TRRAP: variants seen among roughly 807,000 people sequenced by gnomAD.
The protein encoded by TRRAP is transformation/transcription domain-associated protein.
TRRAP carries 41 observed loss-of-function variants against 438.8 expected under a neutral mutation model. That is an observed-to-expected ratio of 0.09 (90% CI 0.07 to 0.12). The LOEUF (loss-of-function observed/expected upper bound fraction) is 0.12. Among genes scored for constraint, TRRAP ranks in the 10% least tolerant of loss-of-function variants. TRRAP has a pLI of 1.00. For missense variants in TRRAP, 3,122 were observed against 5,055.1 expected, an observed-to-expected ratio of 0.62 and a Z score of 11.60; for synonymous variants, 1,994 against 1,962.9, an observed-to-expected ratio of 1.02 and a Z score of -0.42.
chr7:98,976,892 A>G lies in TRRAP; in HGVS notation c.8248-47A>G. The stretch of plus-strand genomic sequence containing the variant: ...AGTGAAACTATTTTTAGGGGGGAAA[A>G]AAAGTCTCTGTCTCAAGCACTCAGG... On this transcript the variant is annotated intron_variant, in intron 55 of 72. Transcript: ENST00000456197. This position sits in a 1 kb window ranked among gnomAD's most constrained non-coding sequence, Gnocchi z 4.6. The G allele has an allele frequency of 1.2e-6, 2 of 1,607,720 alleles. No individual in the cohort carries two copies. Among genetic ancestry groups the G allele is most frequent in the South Asian group, 1.1e-5 (1 of 90,864 alleles).
intron 3 of TRRAP, among the ~76,000 whole-genome samples, chr7:98,882,455 C>T (rs1461126024): frequency 6.6e-6 from 1 of 151,160 alleles, no homozygotes; most frequent in South Asian, 2.1e-4. Flanking sequence ...CTCTGCCTTC[C>T]GGGTTCAAGC....
intron 11 of TRRAP, among the ~76,000 whole-genome samples, chr7:98,902,572 T>A (rs1471629684): frequency 7.0e-6 from 1 of 142,288 alleles, no homozygotes; most frequent in Non-Finnish European, 1.6e-5. Flanking sequence ...GATTAGATAA[T>A]GATAGCTTAC....
At chr7:98,988,131 A>C (rs1018343240) in intron 62 of TRRAP, among the ~76,000 whole-genome samples, 1 of 152,166 alleles carries the variant, frequency 6.6e-6, no homozygotes, top group Non-Finnish European at 1.5e-5. Flanking sequence ...CTGTATCATA[A>C]AGCACCTGGG....
chr7:98,915,882 C>T lies in TRRAP; in HGVS notation c.2359C>T (p.Leu787=). ...GTTCTTGCCTCTCCTTCCAAACCTC[C>T]TGCAAGGTCAGAGCAGTGACTTTGG... ...QEFLPLLPNL[L]QGLNMLQSGL... Residue 787 remains leucine (L), a synonymous_variant, in exon 19 of 73, where the codon CTG becomes TTG. Coordinates refer to ENST00000456197, the MANE Select transcript of TRRAP (RefSeq NM_001375524.1). 1 of 1,614,148 alleles carries T rather than the reference C, an allele frequency of 6.2e-7. No homozygotes were observed. Among genetic ancestry groups the T allele is most frequent in the South Asian group, 1.1e-5 (1 of 91,074 alleles).
intron 38 of TRRAP, 46 bp downstream of exon 38, chr7:98,950,308 G>A (rs781866927): frequency 4.4e-6 from 7 of 1,591,542 alleles, no homozygotes; most frequent in Non-Finnish European, 6.0e-6. Context: ...TATTTGGTCT[G>A]GTTTTCTAGG....
rs1206107515 is a variant in TRRAP, at chr7:98,957,845, T to C, written c.6232-136T>C. Reference sequence around the variant, plus strand: ...CACCAGGGCACAGACCACATCTGTCTTTGGTATCCCCAGCGCCCAGAGCTG... The same window carrying C: ...CACCAGGGCACAGACCACATCTGTCCTTGGTATCCCCAGCGCCCAGAGCTG... On this transcript the variant is annotated intron_variant, in intron 43 of 72. Transcript: ENST00000456197. The C allele has an allele frequency of 4.1e-6, 3 of 734,806 alleles. No individual in the cohort carries two copies. In the African/African-American group the frequency reaches 5.2e-5, roughly 13 times the overall value. The allele number at this position is 734,806 out of a possible 1,614,324, so 45.5% of individuals were successfully genotyped here.
rs544554482 is a variant in TRRAP, at chr7:99,005,766, C to T, written c.10753+418C>T. The stretch of plus-strand genomic sequence containing the variant: ...CTGAGACAATTCTTCCAATGTGGCC[C>T]AGGGAAGCCAAAAGATTGGACATCC... On this transcript the variant is annotated intron_variant, in intron 69 of 72. Transcript: ENST00000456197. This position sits in a 1 kb window ranked among gnomAD's most constrained non-coding sequence, Gnocchi z 5.1. Among the ~76,000 whole-genome samples, 1 of 152,024 alleles carries T rather than the reference C, an allele frequency of 6.6e-6. No individual in the cohort carries two copies. Among genetic ancestry groups the T allele is most frequent in the East Asian group, 1.9e-4 (1 of 5,158 alleles).
chr7:98,893,418 C>T (rs1554405247), intron 5 of TRRAP, among the ~76,000 whole-genome samples: 1 of 152,226 alleles, frequency 6.6e-6, no homozygotes, highest in Non-Finnish European at 1.5e-5. Flanking sequence ...GAACCCCATC[C>T]TCACAGAGCA....
chr7:99,009,134 G>A (rs1339404703), intron 70 of TRRAP, among the ~76,000 whole-genome samples: 1 of 152,206 alleles, frequency 6.6e-6, no homozygotes, highest in Non-Finnish European at 1.5e-5. Flanking sequence ...GAGGTACAGA[G>A]GCCCCTCATT....
At chr7:98,945,894 G>T in intron 32 of TRRAP, 36 bp from the exon 33 acceptor site, 1 of 1,557,238 alleles carries the variant, frequency 6.4e-7, no homozygotes, top group South Asian at 1.2e-5. Flanking sequence ...CCTTTCTGTT[G>T]CCTTTTTTCA....
rs781874876 is a variant in TRRAP, at chr7:98,937,287, TGTGC to T, written c.4233+18_4233+21del. ...AGCCTGTATGAGAAAGGTGAGTGTG[TGTGC>T]GTGCGTGTATGCGCACGCGTGTGTG... On this transcript the variant is annotated intron_variant, in intron 29 of 72. Transcript: ENST00000456197. 61 of 1,607,986 alleles carry T rather than the reference TGTGC, an allele frequency of 3.8e-5. No homozygotes were observed. The East Asian group carries it at 1.3e-3, about 35-fold the overall frequency.
intron 18 of TRRAP, among the ~76,000 whole-genome samples, chr7:98,912,712 T>C (rs1789330295): frequency 6.6e-6 from 1 of 152,080 alleles, no homozygotes; most frequent in Non-Finnish European, 1.5e-5. Context: ...ACGAACTTAT[T>C]AGAAGGAAAA....
At chr7:98,999,599 C>CT (rs1180958585) in intron 67 of TRRAP, 2 of 778,324 alleles carry the variant, frequency 2.6e-6, no homozygotes, top group East Asian at 2.4e-5. Context: ...CATAGGTTGT[C>CT]TAAGTGCTTG....
In TRRAP at chr7:98,937,635, T is replaced by A. The variant is rs2116546682; in HGVS notation, c.4234-15T>A. ...CAGTTGTCTATTTTTCTTTACAACTTTTCTTTTTTAATAGTTTTTAGAAGG... is the reference window on the plus strand; with the variant it reads ...CAGTTGTCTATTTTTCTTTACAACTATTCTTTTTTAATAGTTTTTAGAAGG... On this transcript the variant is annotated splice_polypyrimidine_tract_variant and intron_variant, in intron 29 of 72. Coordinates refer to ENST00000456197, the MANE Select transcript of TRRAP (RefSeq NM_001375524.1). The A allele has an allele frequency of 6.3e-7, 1 of 1,590,162 alleles. No homozygotes were observed.
intron 18 of TRRAP, 41 bp from the exon 19 acceptor site, chr7:98,915,682 T>A (rs782132961): frequency 1.2e-6 from 2 of 1,600,256 alleles, no homozygotes; most frequent in Admixed American, 3.4e-5. Flanking sequence ...TAGACCCTCC[T>A]CATTTAGATG....
At chr7:98,977,376 G>A (rs1792709935) in intron 56 of TRRAP, among the ~76,000 whole-genome samples, 1 of 152,128 alleles carries the variant, frequency 6.6e-6, no homozygotes, top group Non-Finnish European at 1.5e-5. Flanking sequence ...TGGCCGTGCT[G>A]GTCTCGAACT....
At chr7:98,999,353 T>C in intron 67 of TRRAP, 1 of 1,407,498 alleles carries the variant, frequency 7.1e-7, no homozygotes, top group Non-Finnish European at 1.0e-6. Flanking sequence ...GACTTGACAG[T>C]GATTCCACAT....
intron 21 of TRRAP, among the ~76,000 whole-genome samples, chr7:98,924,644 G>T (rs1434437612): frequency 7.8e-6 from 1 of 128,312 alleles, no homozygotes; most frequent in Non-Finnish European, 1.6e-5. Flanking sequence ...AGCGGAGATG[G>T]CACCACTGCA....
At chr7:98,950,744 G>C (rs2116614530) in intron 38 of TRRAP, 132 bp from the exon 39 acceptor site, 1 of 1,098,628 alleles carries the variant, frequency 9.1e-7, no homozygotes, top group South Asian at 2.3e-5. Flanking sequence ...AGGAGTCAAG[G>C]TTGGTAGTCA....
Sources: gnomAD v4.1 joint callset for allele counts (sites outside exome capture counted in the v4.1 genomes callset) on GRCh38, gnomAD v4.1.1 for gene constraint, Gnocchi (gnomAD v3.1) non-coding constraint, MANE v1.5 for transcripts, NCBI Gene and HGNC (gene_info 2026-07-23, HGNC 2026-07-21) for gene names.